The following TANC2 variants were observed in gnomAD, a reference collection of about 807,000 sequenced individuals.
TANC2 encodes tetratricopeptide repeat, ankyrin repeat and coiled-coil containing 2.
In TANC2, 26 loss-of-function variants were observed where a neutral mutation model predicts 210.5. The observed-to-expected ratio is 0.12, with a 90% confidence interval of 0.09 to 0.17. TANC2 has a LOEUF of 0.17. Ranked by LOEUF, TANC2 falls within the 10% of genes least tolerant of loss-of-function variation. TANC2 has a pLI of 1.00. For missense variants in TANC2, 2,129 were observed against 2,608.9 expected (o/e 0.82, Z 4.01); for synonymous variants, 931 against 967.1 (o/e 0.96, Z 0.69).
chr17:63,026,577 T>G (rs1034899824), intron 2 of TANC2, among the ~76,000 whole-genome samples: 6 of 152,190 alleles, frequency 3.9e-5, no homozygotes, highest in Non-Finnish European at 8.8e-5. Context: ...TAATTTGTTC[T>G]GAAATTTCTG....
chr17:63,105,225 A>G (rs888900396), intron 4 of TANC2, among the ~76,000 whole-genome samples: 4 of 151,678 alleles, frequency 2.6e-5, no homozygotes, highest in Non-Finnish European at 5.9e-5. Flanking sequence ...CTGATTTTCA[A>G]AGTATTTGTT....
At chr17:63,224,115 G>T (rs991059020) in intron 7 of TANC2, among the ~76,000 whole-genome samples, 1 of 152,020 alleles carries the variant, frequency 6.6e-6, no homozygotes, top group East Asian at 1.9e-4. Flanking sequence ...CCTGATGTTA[G>T]CCTCTTTTTA....
intron 8 of TANC2, among the ~76,000 whole-genome samples, chr17:63,255,538 T>C (rs1479038324): frequency 1.3e-5 from 2 of 152,190 alleles, no homozygotes; most frequent in Admixed American, 6.5e-5. Context: ...AGTTCAGTCT[T>C]GGTAAGTTGT....
chr17:63,362,086 C>G (rs1345334214), intron 14 of TANC2, among the ~76,000 whole-genome samples: 8 of 152,194 alleles, frequency 5.3e-5, no homozygotes, highest in Non-Finnish European at 1.2e-4. Flanking sequence ...CTCCTATGTA[C>G]AGGCAGGATG....
Position 63,193,468 on chromosome 17 carries a change from T to A in TANC2, c.434-523T>A, listed in dbSNP as rs547432790. ...TACCTTCTTAGCATTTGGAGTGGTT[T>A]ACTGTGTAATACTGAATATCCTAAA... On this transcript the variant is annotated intron_variant, in intron 5 of 27. Transcript: ENST00000689528. Among the ~76,000 whole-genome samples, 893 of 152,346 alleles carry A rather than the reference T, an allele frequency of 5.9e-3. 11 individuals are homozygous for A. Among genetic ancestry groups the A allele is most frequent in the African/African-American group, 0.02 (816 of 41,592 alleles).
chr17:63,421,193 C>T lies in TANC2; in HGVS notation c.5463C>T (p.Arg1821=). The T allele has an allele frequency of 6.2e-7, 1 of 1,614,018 alleles. No homozygotes were observed. Among genetic ancestry groups the T allele is most frequent in the Non-Finnish European group, 8.5e-7 (1 of 1,179,892 alleles). Residue 1821 remains arginine (R), a synonymous_variant, in exon 28 of 28, where the codon CGC becomes CGT. Coordinates refer to ENST00000689528, the Ensembl canonical transcript of TANC2. The surrounding 1 kb of genome is among the most constrained non-coding windows in gnomAD (Gnocchi z 6.9). ...GTCACTCAAAACTAGATCTGGAGCGCTCCTCCAGCCAACTAGGTTCCCCTG... is the reference window on the plus strand; with the variant it reads ...GTCACTCAAAACTAGATCTGGAGCGTTCCTCCAGCCAACTAGGTTCCCCTG...
intron 11 of TANC2, among the ~76,000 whole-genome samples, chr17:63,326,651 G>A (rs2045657544): frequency 6.6e-6 from 1 of 151,958 alleles, no homozygotes; most frequent in South Asian, 2.1e-4. Context: ...GATTGCTTGA[G>A]CCCAAGAGGT....
intron 9 of TANC2, among the ~76,000 whole-genome samples, chr17:63,307,056 A>T (rs1449348629): frequency 3.3e-5 from 5 of 152,210 alleles, no homozygotes; most frequent in Non-Finnish European, 7.3e-5. Context: ...AGGCCAGAAG[A>T]GCTGGGGCAT....
At chr17:63,409,635 A>T (rs1168646159) in intron 21 of TANC2, among the ~76,000 whole-genome samples, 1 of 152,184 alleles carries the variant, frequency 6.6e-6, no homozygotes, top group African/African-American at 2.4e-5. Flanking sequence ...CACTTACACA[A>T]TCCTAGATGG....
intron 2 of TANC2, among the ~76,000 whole-genome samples, chr17:63,039,679 A>G (rs2035106800): frequency 1.3e-5 from 2 of 152,342 alleles, no homozygotes; most frequent in African/African-American, 4.8e-5. Context: ...TACAGTGAAC[A>G]GGAGAGAAAA....
intron 1 of TANC2, among the ~76,000 whole-genome samples, chr17:62,988,634 G>A (rs183619196): frequency 7.3e-4 from 111 of 152,312 alleles, no homozygotes; most frequent in Middle Eastern, 3.4e-3. Context: ...GGTAACAGTT[G>A]CTTTGGGTTA....
intron 4 of TANC2, among the ~76,000 whole-genome samples, chr17:63,104,222 C>T (rs2037737395): frequency 6.6e-6 from 1 of 152,076 alleles, no homozygotes; most frequent in Non-Finnish European, 1.5e-5. Context: ...AAAGAGTAAG[C>T]AGAGGCTCCC....
intron 2 of TANC2, among the ~76,000 whole-genome samples, chr17:63,039,590 A>G (rs1365089807): frequency 2.0e-5 from 3 of 152,346 alleles, no homozygotes; most frequent in African/African-American, 7.2e-5. Context: ...TCCACTGTCC[A>G]GAAGACAAAC....
At chr17:63,360,603 A>G (rs572395067) in intron 14 of TANC2, among the ~76,000 whole-genome samples, 14 of 152,336 alleles carry the variant, frequency 9.2e-5, no homozygotes, top group Admixed American at 8.5e-4. Flanking sequence ...TAAAATATCC[A>G]TCACCTCAAG....
At chr17:63,215,825 C>T (rs960600372) in intron 7 of TANC2, among the ~76,000 whole-genome samples, 4 of 152,076 alleles carry the variant, frequency 2.6e-5, no homozygotes, top group Non-Finnish European at 5.9e-5. Context: ...TATCAGCTCA[C>T]TGCAAGCTCC....
chr17:63,411,437 C>G, intron 21 of TANC2, 74 bp from the exon 22 acceptor site: 9 of 1,415,154 alleles, frequency 6.4e-6, no homozygotes, highest in Non-Finnish European at 8.6e-6. Context: ...AGGAGCATGC[C>G]CCTTCAGCGT....
At chr17:62,973,568 T>C (rs1329724359) in intron 1 of TANC2, among the ~76,000 whole-genome samples, 10 of 152,200 alleles carry the variant, frequency 6.6e-5, no homozygotes, top group Non-Finnish European at 2.9e-5. Flanking sequence ...TAGAGAAATA[T>C]ACACACCATC....
chr17:63,164,119 G>A (rs914829080), intron 5 of TANC2, among the ~76,000 whole-genome samples: 1 of 149,200 alleles, frequency 6.7e-6, no homozygotes, highest in Non-Finnish European at 1.5e-5. Flanking sequence ...CTTAGCTGCA[G>A]CATCAGCAGC....
chr17:63,418,465 G>A lies in TANC2; in HGVS notation c.4268+58G>A, dbSNP rs1479661048. On this transcript the variant is annotated intron_variant, in intron 27 of 27. Coordinates refer to ENST00000689528, the Ensembl canonical transcript of TANC2. The surrounding 1 kb of genome is among the most constrained non-coding windows in gnomAD (Gnocchi z 4.6). Reference sequence around the variant, plus strand: ...GTCTCTTTTCTGAAAATTTGGCCAAGGCAGCGTCGGCCACCCTGGGGCATA... The same window carrying A: ...GTCTCTTTTCTGAAAATTTGGCCAAAGCAGCGTCGGCCACCCTGGGGCATA... 1.2e-5 allele frequency: 18 copies of A among 1,494,094 alleles called. No homozygotes were observed. In the Admixed American group the frequency reaches 1.6e-4, roughly 13 times the overall value. 92.6% of individuals were successfully genotyped at this position (1,494,094 alleles called of 1,614,324 possible). A position where few individuals can be genotyped will look rare whatever the true frequency, so the allele number is the denominator to read the frequency against.
Sources: gnomAD v4.1 joint callset for allele counts (sites outside exome capture counted in the v4.1 genomes callset) on GRCh38, gnomAD v4.1.1 for gene constraint, Gnocchi (gnomAD v3.1) non-coding constraint, MANE v1.5 for transcripts, NCBI Gene and HGNC (gene_info 2026-07-23, HGNC 2026-07-21) for gene names.